The following COL22A1 variants were observed in gnomAD, a reference collection of about 807,000 sequenced individuals.
COL22A1 encodes the protein collagen type XXII alpha 1 chain.
A neutral mutation model predicts 248.9 loss-of-function variants in COL22A1; 221 were observed. That is an observed-to-expected ratio of 0.89 (90% CI 0.80 to 0.99). The LOEUF is 0.99. Ranked by LOEUF, COL22A1 falls within the 50% of genes least tolerant of loss-of-function variation. COL22A1 has a pLI of 0.00. For missense variants in COL22A1, 2,240 were observed against 2,179.0 expected, an observed-to-expected ratio of 1.03 and a Z score of -0.56; for synonymous variants, 891 against 793.4, an observed-to-expected ratio of 1.12 and a Z score of -2.07.
intron 23 of COL22A1, among the ~76,000 whole-genome samples, chr8:138,726,600 C>T (rs889189238): frequency 6.6e-6 from 1 of 151,992 alleles, no homozygotes; most frequent in Non-Finnish European, 1.5e-5. Flanking sequence ...CGTTCTTGCA[C>T]CTGGGAGTGA....
At chr8:138,900,594 C>A (rs1814475222) in intron 1 of COL22A1, among the ~76,000 whole-genome samples, 1 of 152,208 alleles carries the variant, frequency 6.6e-6, no homozygotes, top group Non-Finnish European at 1.5e-5. Flanking sequence ...GAAACTCAAG[C>A]CATATCTGTG....
At chr8:138,802,565 GGC>G (rs1441382793) in intron 11 of COL22A1, among the ~76,000 whole-genome samples, 1 of 152,128 alleles carries the variant, frequency 6.6e-6, no homozygotes, top group Non-Finnish European at 1.5e-5. Flanking sequence ...CCTGTGTAAT[GGC>G]CAGAGTCAGG....
At chr8:138,690,580 T>C (rs1382294846) in intron 36 of COL22A1, among the ~76,000 whole-genome samples, 2 of 152,166 alleles carry the variant, frequency 1.3e-5, no homozygotes, top group African/African-American at 4.8e-5. Flanking sequence ...CAGTGAAATG[T>C]ACAGACTTTC....
chr8:138,659,777 G>A (rs1289886110), intron 44 of COL22A1, among the ~76,000 whole-genome samples: 1 of 152,154 alleles, frequency 6.6e-6, no homozygotes, highest in Non-Finnish European at 1.5e-5. Context: ...CTGGACTGAG[G>A]CCACATTGCC....
intron 7 of COL22A1, 93 bp downstream of exon 7, chr8:138,821,043 A>T: frequency 7.3e-7 from 1 of 1,366,206 alleles, no homozygotes; most frequent in Non-Finnish European, 1.0e-6. Context: ...TACCTGGTTC[A>T]TGCAGGTGTG....
chr8:138,851,398 C>T (rs943180354), intron 3 of COL22A1, among the ~76,000 whole-genome samples: 1 of 152,166 alleles, frequency 6.6e-6, no homozygotes, highest in East Asian at 1.9e-4. Flanking sequence ...TGGAGAGCCT[C>T]GTGGCCCAAG....
chr8:138,649,873 A>C (rs1305728192), intron 45 of COL22A1, 95 bp from the exon 46 acceptor site: 1 of 714,468 alleles, frequency 1.4e-6, no homozygotes, highest in Non-Finnish European at 2.3e-6. Context: ...ATCTCTCCAG[A>C]TGGAGATTTG....
chr8:138,733,604 T>C (rs1186261279), intron 23 of COL22A1, among the ~76,000 whole-genome samples: 1 of 152,200 alleles, frequency 6.6e-6, no homozygotes, highest in East Asian at 1.9e-4. Flanking sequence ...TCCCCACTGC[T>C]CTTTCAGGGA....
At chr8:138,840,038 G>C (rs543948050) in intron 4 of COL22A1, among the ~76,000 whole-genome samples, 2 of 152,092 alleles carry the variant, frequency 1.3e-5, no homozygotes, top group Non-Finnish European at 2.9e-5. Flanking sequence ...TCTCATCCTC[G>C]TGCTCCCAGA....
chr8:138,729,099 T>C (rs1830527646), intron 23 of COL22A1, among the ~76,000 whole-genome samples: 1 of 152,168 alleles, frequency 6.6e-6, no homozygotes, highest in Non-Finnish European at 1.5e-5. Context: ...ATTCCAGCCC[T>C]CCACTGGCCA....
intron 38 of COL22A1, among the ~76,000 whole-genome samples, chr8:138,684,899 T>C (rs1366272369): frequency 1.3e-5 from 2 of 152,192 alleles, no homozygotes; most frequent in African/African-American, 4.8e-5. Flanking sequence ...GAAGTCCTTC[T>C]TTACGCATAC....
intron 5 of COL22A1, among the ~76,000 whole-genome samples, chr8:138,828,633 C>T (rs537634654): frequency 2.0e-5 from 3 of 152,172 alleles, no homozygotes; most frequent in South Asian, 2.1e-4. Flanking sequence ...CTAATTTCTT[C>T]CTCACGAGAA....
At chr8:138,873,606 C>T (rs917661641) in intron 3 of COL22A1, among the ~76,000 whole-genome samples, 12 of 152,112 alleles carry the variant, frequency 7.9e-5, no homozygotes, top group Admixed American at 7.2e-4. Flanking sequence ...TTACACATTC[C>T]GTTGTGTAAT....
intron 63 of COL22A1, 117 bp downstream of exon 63, chr8:138,593,900 C>T (rs1817294490): frequency 2.6e-6 from 2 of 770,328 alleles, no homozygotes; most frequent in South Asian, 2.9e-5. Flanking sequence ...CTGGGTGTTA[C>T]CAAGCTACAG....
At chr8:138,853,113 TAC>T (rs1821764761) in intron 3 of COL22A1, among the ~76,000 whole-genome samples, 1 of 152,050 alleles carries the variant, frequency 6.6e-6, no homozygotes, top group Non-Finnish European at 1.5e-5. Context: ...AGGGAGAGGC[TAC>T]AGTGAGCAGA....
rs1249878172 is a variant in COL22A1, at chr8:138,903,664, A to G, written c.-73+9955T>C. The stretch of plus-strand genomic sequence containing the variant: ...TCCAAGCCTCCCTCCTTCAGAGAGC[A>G]GAGCCAGTCTTTTGCTTTCAGTAAA... On this transcript the variant is annotated intron_variant, in intron 1 of 64. Transcript: ENST00000303045. 2.0e-5 allele frequency among the ~76,000 whole-genome samples: 3 copies of G among 152,308 alleles called. No homozygotes were observed. In the East Asian group the frequency reaches 5.8e-4, roughly 29 times the overall value.
At chr8:138,806,515 A>T (rs1279309444) in intron 10 of COL22A1, among the ~76,000 whole-genome samples, 1 of 152,068 alleles carries the variant, frequency 6.6e-6, no homozygotes. Context: ...GCAAGGAGGG[A>T]CGCATAGGAA....
At chr8:138,899,685 G>A (rs534921240) in intron 1 of COL22A1, among the ~76,000 whole-genome samples, 6 of 151,882 alleles carry the variant, frequency 4.0e-5, no homozygotes, top group Non-Finnish European at 7.4e-5. Flanking sequence ...CACCATGCCC[G>A]GCTAATTTTT....
At chr8:138,854,238 C>T (rs977901288) in intron 3 of COL22A1, among the ~76,000 whole-genome samples, 2 of 152,184 alleles carry the variant, frequency 1.3e-5, no homozygotes, top group African/African-American at 2.4e-5. Flanking sequence ...GGAGTGAGGG[C>T]ATGAACACAT....
Sources: gnomAD v4.1 joint callset for allele counts (sites outside exome capture counted in the v4.1 genomes callset) on GRCh38, gnomAD v4.1.1 for gene constraint, MANE v1.5 for transcripts, NCBI Gene and HGNC (gene_info 2026-07-23, HGNC 2026-07-21) for gene names.